The following TNIK variants were observed in gnomAD, a reference collection of about 807,000 sequenced individuals.
TNIK encodes TRAF2 and NCK-interacting protein kinase.
In TNIK, 49 loss-of-function variants were observed where a neutral mutation model predicts 191.3. The ratio of observed to expected loss-of-function variants is 0.26; its 90% confidence interval spans 0.20 to 0.32. The LOEUF (loss-of-function observed/expected upper bound fraction) is 0.32. TNIK is among the 10% of genes least tolerant of loss of function. The pLI, the probability that TNIK is intolerant of heterozygous loss-of-function variation, is 1.00. For missense variants in TNIK, 1,155 were observed against 1,702.3 expected, an observed-to-expected ratio of 0.68 and a Z score of 5.66; for synonymous variants, 594 against 600.9, an observed-to-expected ratio of 0.99 and a Z score of 0.17.
At chr3:171,353,293 G>T (rs986441631) in intron 2 of TNIK, among the ~76,000 whole-genome samples, 3 of 152,144 alleles carry the variant, frequency 2.0e-5, no homozygotes, top group Non-Finnish European at 4.4e-5. Context: ...GGTGTCAAAA[G>T]GTTGTGGGTT....
chr3:171,183,625 G>A (rs1480987747), intron 7 of TNIK, among the ~76,000 whole-genome samples: 1 of 151,856 alleles, frequency 6.6e-6, no homozygotes, highest in African/African-American at 2.4e-5. Flanking sequence ...GCCTTTTAGG[G>A]GTAAAAAATG....
chr3:171,250,116 T>G (rs1276928220), intron 2 of TNIK, among the ~76,000 whole-genome samples: 1 of 152,212 alleles, frequency 6.6e-6, no homozygotes, highest in African/African-American at 2.4e-5. Context: ...CAACTTCTGC[T>G]CTATAGCTTG....
intron 2 of TNIK, among the ~76,000 whole-genome samples, chr3:171,337,569 CT>C (rs1757084567): frequency 6.6e-6 from 1 of 152,212 alleles, no homozygotes; most frequent in African/African-American, 2.4e-5. Context: ...TTCCATGAAA[CT>C]TCTGCTCCCT....
At position 171,159,961 on chromosome 3, in the gene TNIK, G is replaced by A. The variant is rs1733752046; in HGVS notation, c.1016+1309C>T. Among the ~76,000 whole-genome samples the A allele has an allele frequency of 6.6e-6, 1 of 152,232 alleles. No individual in the cohort carries two copies. The highest frequency in any genetic ancestry group is 2.1e-4 in the South Asian group (1 of 4,836). On this transcript the variant is annotated intron_variant, in intron 11 of 32. Transcript: ENST00000436636. The surrounding 1 kb of genome is among the most constrained non-coding windows in gnomAD (Gnocchi z 4.1). ...TGACTCCTAATATGCAGTTTAGCAA[G>A]TGTTAGAAAGACAGGGTTTCTCAGT... is the stretch of plus-strand genomic sequence containing the variant.
At chr3:171,180,596 G>A (rs963055995) in intron 7 of TNIK, among the ~76,000 whole-genome samples, 3 of 152,170 alleles carry the variant, frequency 2.0e-5, no homozygotes, top group Non-Finnish European at 2.9e-5. Context: ...AGATACATGA[G>A]AGAACGTAGC....
At chr3:171,406,359 C>T (rs1476533840) in intron 1 of TNIK, among the ~76,000 whole-genome samples, 1 of 152,114 alleles carries the variant, frequency 6.6e-6, no homozygotes, top group Non-Finnish European at 1.5e-5. Flanking sequence ...TGAGAAGAAC[C>T]CAGAGCTCGG....
rs144145840 is a variant in TNIK, at chr3:171,438,416, C to T, written c.57+21591G>A. On this transcript the variant is annotated intron_variant, in intron 1 of 32. Coordinates refer to ENST00000436636, the MANE Select transcript of TNIK (RefSeq NM_015028.4). ...GTATTTTCACAACTGCATAGCAAGT[C>T]GCCTGTCCACTCAGTTATAGTGGGG... 2.6e-5 allele frequency among the ~76,000 whole-genome samples: 4 copies of T among 152,316 alleles called. No individual in the cohort carries two copies. The East Asian group carries it at 7.7e-4, about 29-fold the overall frequency.
At chr3:171,146,436 G>A (rs1383468183) in intron 12 of TNIK, among the ~76,000 whole-genome samples, 2 of 152,102 alleles carry the variant, frequency 1.3e-5, no homozygotes, top group Non-Finnish European at 2.9e-5. Flanking sequence ...CCACATCTGA[G>A]AATTAATATC....
intron 2 of TNIK, among the ~76,000 whole-genome samples, chr3:171,232,357 A>G (rs1688958450): frequency 6.6e-6 from 1 of 151,924 alleles, no homozygotes; most frequent in African/African-American, 2.4e-5. Context: ...AAAAAACCAC[A>G]TGTGCAACCA....
intron 23 of TNIK, among the ~76,000 whole-genome samples, chr3:171,093,027 T>G (rs1386945897): frequency 6.6e-6 from 1 of 152,260 alleles, no homozygotes; most frequent in East Asian, 1.9e-4. Context: ...TGTATGCTAT[T>G]ATTTATAAAA....
chr3:171,369,970 AT>A (rs1716274468), intron 1 of TNIK, among the ~76,000 whole-genome samples: 1 of 152,216 alleles, frequency 6.6e-6, no homozygotes, highest in Admixed American at 6.5e-5. Context: ...GAAGTAACAC[AT>A]TTCTCACTGT....
chr3:171,449,187 A>G (rs1001015467), intron 1 of TNIK, among the ~76,000 whole-genome samples: 4 of 151,928 alleles, frequency 2.6e-5, no homozygotes, highest in Admixed American at 2.0e-4. Flanking sequence ...AGTCTTTGCT[A>G]TTGTGAACAG....
intron 2 of TNIK, among the ~76,000 whole-genome samples, chr3:171,234,867 G>A (rs1451610824): frequency 6.6e-6 from 1 of 152,166 alleles, no homozygotes; most frequent in African/African-American, 2.4e-5. Flanking sequence ...AAGCAGACGA[G>A]CCAGCCTCTG....
In TNIK at chr3:171,101,489, G is replaced by T; in HGVS notation, c.2551C>A (p.His851Asn). 11 of 1,613,086 alleles carry T rather than the reference G, an allele frequency of 6.8e-6. No individual in the cohort carries two copies. The highest frequency in any genetic ancestry group is 8.5e-6 in the Non-Finnish European group (10 of 1,179,418). The part of the protein sequence containing the change: ...EEEEDGESET[H>N]DGTVAVSDIP... The stretch of plus-strand genomic sequence containing the variant: ...TCGCTGACAGCCACTGTCCCATCAT[G>T]GGTCTCGCTCTCTCCATCTTCCTCC... The change falls in exon 22 of 33, where the codon CAT becomes AAT. Residue 851 changes from histidine to asparagine, a missense_variant. His to Asn is a moderately conservative substitution (Grantham distance 68). Around this residue, in one of 3 missense-constraint regions of TNIK, gnomAD observed 735 missense variants for 848.0 expected, o/e 0.87. Coordinates refer to ENST00000436636, the MANE Select transcript of TNIK (RefSeq NM_015028.4).
chr3:171,211,334 T>G (rs1740792287), intron 3 of TNIK, 93 bp from the exon 4 acceptor site: 1 of 1,410,644 alleles, frequency 7.1e-7, no homozygotes, highest in Non-Finnish European at 9.5e-7. Context: ...TTTCTTGTTT[T>G]TTCTTCCTTG....
At chr3:171,309,174 GA>G (rs10535735) in intron 2 of TNIK, among the ~76,000 whole-genome samples, 22 of 150,770 alleles carry the variant, frequency 1.5e-4, no homozygotes, top group Admixed American at 4.0e-4. Flanking sequence ...TGGTAGACTG[GA>G]AAAAAAAAAT....
At chr3:171,384,100 C>T (rs767235525) in intron 1 of TNIK, among the ~76,000 whole-genome samples, 1 of 152,200 alleles carries the variant, frequency 6.6e-6, no homozygotes, top group Non-Finnish European at 1.5e-5. Flanking sequence ...TTTGTCCCAT[C>T]TTTGTCAGTC....
intron 21 of TNIK, among the ~76,000 whole-genome samples, chr3:171,106,059 A>G (rs543556097): frequency 1.3e-5 from 2 of 152,278 alleles, no homozygotes; most frequent in South Asian, 4.2e-4. Context: ...AACTATGATC[A>G]TAACTGTCTC....
intron 27 of TNIK, 98 bp downstream of exon 27, chr3:171,082,153 G>T (rs955444482): frequency 6.8e-7 from 1 of 1,468,326 alleles, no homozygotes; most frequent in Non-Finnish European, 9.2e-7. Flanking sequence ...TGTGTTGTTT[G>T]TTAGCTGGGA....
Sources: allele counts gnomAD v4.1 joint callset (sites outside exome capture counted in the v4.1 genomes callset), GRCh38; gene constraint gnomAD v4.1.1; regional missense constraint gnomAD v4.1.1; non-coding constraint Gnocchi (gnomAD v3.1); transcripts MANE v1.5; gene names NCBI Gene and HGNC (gene_info 2026-07-23, HGNC 2026-07-21).